Variants in CA10 observed in about 807,000 individuals in gnomAD.
CA10 encodes carbonic anhydrase-related protein 10.
CA10 carries 14 observed loss-of-function variants against 44.2 expected under a neutral mutation model. The observed-to-expected ratio is 0.32, with a 90% CI of 0.21 to 0.50. The LOEUF is 0.50. Ranked by LOEUF, CA10 falls within the 20% of genes least tolerant of loss-of-function variation. The pLI is 0.99. For missense variants in CA10, 350 were observed against 409.7 expected (o/e 0.85, Z 1.26); for synonymous variants, 159 against 141.6 (o/e 1.12, Z -0.87).
intron 1 of CA10, among the ~76,000 whole-genome samples, chr17:52,102,047 C>T (rs893054504): frequency 6.6e-6 from 1 of 152,122 alleles, no homozygotes; most frequent in Non-Finnish European, 1.5e-5. Flanking sequence ...GACATTGTTG[C>T]TCTCCAAAGT....
At chr17:51,978,382 A>ATGTGTGTG (rs56108471) in intron 2 of CA10, among the ~76,000 whole-genome samples, 14 of 142,100 alleles carry the variant, frequency 9.9e-5, no homozygotes, top group African/African-American at 3.1e-4. Context: ...GTGTGTCTGT[A>ATGTGTGTG]TGTGTGTGTG....
At chr17:51,750,056 C>A (rs1390004967) in intron 3 of CA10, among the ~76,000 whole-genome samples, 1 of 152,184 alleles carries the variant, frequency 6.6e-6, no homozygotes, top group Admixed American at 6.5e-5. Context: ...CAGAACTTTT[C>A]ATTTCCCATA....
At chr17:51,768,541 T>C (rs1423450519) in intron 3 of CA10, among the ~76,000 whole-genome samples, 2 of 152,200 alleles carry the variant, frequency 1.3e-5, no homozygotes, top group Non-Finnish European at 2.9e-5. Flanking sequence ...CAGCAAGAGT[T>C]GCTGGCTGGT....
intron 4 of CA10, among the ~76,000 whole-genome samples, chr17:51,708,827 A>C (rs1187281502): frequency 6.6e-6 from 1 of 152,336 alleles, no homozygotes; most frequent in South Asian, 2.1e-4. Flanking sequence ...GCAGACTCCA[A>C]GTTCTTCAGC....
chr17:52,032,282 T>TTTA (rs960971832), intron 2 of CA10, among the ~76,000 whole-genome samples: 19 of 152,084 alleles, frequency 1.2e-4, no homozygotes, highest in East Asian at 3.9e-4. Context: ...TCAATATCAC[T>TTTA]TTATTATTAT....
chr17:51,934,740 G>C (rs139450553), intron 2 of CA10, among the ~76,000 whole-genome samples: 13 of 152,202 alleles, frequency 8.5e-5, no homozygotes, highest in African/African-American at 2.6e-4. Context: ...ATAGTTCCTG[G>C]GGTCAGCTGC....
chr17:52,136,747 T>C (rs1989368105), intron 1 of CA10, among the ~76,000 whole-genome samples: 1 of 152,046 alleles, frequency 6.6e-6, no homozygotes, highest in Non-Finnish European at 1.5e-5. Context: ...ATAAACAATA[T>C]CACTGGCCAA....
chr17:51,897,329 C>G (rs1049227014), intron 3 of CA10, among the ~76,000 whole-genome samples: 3 of 151,990 alleles, frequency 2.0e-5, no homozygotes, highest in African/African-American at 7.2e-5. Flanking sequence ...AATAGAGAGT[C>G]CTTTCTCCAT....
intron 3 of CA10, among the ~76,000 whole-genome samples, chr17:51,807,629 A>G (rs775687075): frequency 5.9e-5 from 9 of 152,248 alleles, no homozygotes; most frequent in Non-Finnish European, 1.2e-4. Context: ...AAGTGGTAGA[A>G]TGAGTGCTTA....
intron 2 of CA10, among the ~76,000 whole-genome samples, chr17:51,952,428 G>T (rs1054469125): frequency 2.0e-5 from 3 of 152,026 alleles, no homozygotes; most frequent in Admixed American, 6.6e-5. Flanking sequence ...ACTGGCTCAT[G>T]CTCAGCTATT....
intron 1 of CA10, among the ~76,000 whole-genome samples, chr17:52,154,027 G>A (rs1410205562): frequency 6.6e-6 from 1 of 152,312 alleles, no homozygotes; most frequent in African/African-American, 2.4e-5. Context: ...TTGGGTAATA[G>A]CCTCATCTGT....
intron 2 of CA10, among the ~76,000 whole-genome samples, chr17:51,945,985 C>A (rs898801868): frequency 2.0e-5 from 3 of 152,154 alleles, no homozygotes; most frequent in African/African-American, 7.2e-5. Context: ...AAAAAGATCA[C>A]AGGAAATCTT....
intron 4 of CA10, among the ~76,000 whole-genome samples, chr17:51,746,812 T>A (rs1480722711): frequency 6.6e-6 from 1 of 152,174 alleles, no homozygotes; most frequent in Non-Finnish European, 1.5e-5. Flanking sequence ...AAGGCCAGAT[T>A]TATACATGAT....
At chr17:51,729,620 G>A (rs1316113180) in intron 4 of CA10, among the ~76,000 whole-genome samples, 2 of 152,100 alleles carry the variant, frequency 1.3e-5, no homozygotes, top group African/African-American at 4.8e-5. Flanking sequence ...TTTGCTCCAC[G>A]CTTTAGACAC....
chr17:51,818,876 G>A (rs1367096129), intron 3 of CA10, among the ~76,000 whole-genome samples: 2 of 152,166 alleles, frequency 1.3e-5, no homozygotes, highest in Non-Finnish European at 2.9e-5. Flanking sequence ...GTAAGATGAT[G>A]TGGATAAAGC....
intron 3 of CA10, among the ~76,000 whole-genome samples, chr17:51,926,463 C>T (rs1982433672): frequency 6.6e-6 from 1 of 152,088 alleles, no homozygotes; most frequent in African/African-American, 2.4e-5. Context: ...AACAAATTAC[C>T]CCATAATTAG....
chr17:52,008,969 G>T (rs999235703), intron 2 of CA10, among the ~76,000 whole-genome samples: 1 of 151,756 alleles, frequency 6.6e-6, no homozygotes, highest in Non-Finnish European at 1.5e-5. Context: ...TTTGACTTTG[G>T]TGCCTAGTAC....
chr17:51,783,149 G>T (rs1906125332), intron 3 of CA10, among the ~76,000 whole-genome samples: 1 of 151,714 alleles, frequency 6.6e-6, no homozygotes, highest in Non-Finnish European at 1.5e-5. Context: ...GAAGAGAAAT[G>T]ATTTTTTTTT....
chr17:51,772,119 C>T (rs968755921), intron 3 of CA10, among the ~76,000 whole-genome samples: 1 of 152,202 alleles, frequency 6.6e-6, no homozygotes, highest in African/African-American at 2.4e-5. Context: ...CTCTCTGTGC[C>T]TCACTTTCCT....
Sources: allele counts gnomAD v4.1 joint callset (sites outside exome capture counted in the v4.1 genomes callset), GRCh38; gene constraint gnomAD v4.1.1; transcripts MANE v1.5; gene names NCBI Gene and HGNC (gene_info 2026-07-23, HGNC 2026-07-21).